The following ASXL3 variants were observed in gnomAD, a reference collection of about 807,000 sequenced individuals.
ASXL3 encodes the protein putative Polycomb group protein ASXL3.
Under a neutral mutation model 170.6 loss-of-function variants are expected in ASXL3, and 34 were observed. The ratio of observed to expected loss-of-function variants is 0.20; its 90% CI spans 0.15 to 0.27. The LOEUF is 0.27. Among genes scored for constraint, ASXL3 ranks in the 10% least tolerant of loss-of-function variants. The pLI is 1.00. For synonymous variants in ASXL3, 1,002 were observed against 989.1 expected (o/e 1.01, Z -0.24); for missense variants, 2,592 against 2,695.3 (o/e 0.96, Z 0.85).
chr18:33,591,526 A>G (rs1436692166), intron 1 of ASXL3, among the ~76,000 whole-genome samples: 1 of 152,318 alleles, frequency 6.6e-6, no homozygotes, highest in East Asian at 1.9e-4. Context: ...TGCTCTGTTT[A>G]CAAACCAAGT....
intron 8 of ASXL3, among the ~76,000 whole-genome samples, chr18:33,686,563 T>A (rs1048337995): frequency 1.5e-4 from 23 of 152,262 alleles, no homozygotes; most frequent in Non-Finnish European, 2.9e-4. Flanking sequence ...CAAAGAAAAG[T>A]GAATTTTACA....
At chr18:33,708,213 T>G (rs987875122) in intron 8 of ASXL3, among the ~76,000 whole-genome samples, 13 of 152,194 alleles carry the variant, frequency 8.5e-5, no homozygotes, top group Admixed American at 3.3e-4. Flanking sequence ...TTAGGAAAAC[T>G]ATACTCGTAA....
intron 8 of ASXL3, among the ~76,000 whole-genome samples, chr18:33,706,926 T>G (rs996257513): frequency 6.6e-6 from 1 of 151,878 alleles, no homozygotes; most frequent in Admixed American, 6.6e-5. Context: ...ACAAACCACC[T>G]GAGTATGACA....
At chr18:33,591,064 C>T (rs1195284213) in intron 1 of ASXL3, among the ~76,000 whole-genome samples, 1 of 152,176 alleles carries the variant, frequency 6.6e-6, no homozygotes, top group Non-Finnish European at 1.5e-5. Flanking sequence ...AATCTTCACT[C>T]ATTTTCTGAA....
chr18:33,588,120 T>C (rs1486643209), intron 1 of ASXL3, among the ~76,000 whole-genome samples: 1 of 152,156 alleles, frequency 6.6e-6, no homozygotes, highest in African/African-American at 2.4e-5. Context: ...GTTTATAACC[T>C]ATTGATTGCA....
In ASXL3 at chr18:33,750,812, C is replaced by T. The variant is rs2067873461; in HGVS notation, c.*4217C>T. 6.6e-6 allele frequency: 1 copy of T among 152,144 alleles called. No individual in the cohort carries two copies. The highest frequency in any genetic ancestry group is 1.5e-5 in the Non-Finnish European group (1 of 68,034). 9.4% of individuals were successfully genotyped at this position (152,144 alleles called of 1,614,324 possible). The stretch of plus-strand genomic sequence containing the variant: ...TCTACCAAAGAATATATTATTCCCA[C>T]AGGAAAAACTCAGAAAAGGTGTGTA... On this transcript the variant is annotated 3_prime_UTR_variant, in exon 12 of 12. Transcript: ENST00000269197.
chr18:33,708,787 C>T (rs2067006143), intron 8 of ASXL3, among the ~76,000 whole-genome samples: 1 of 152,172 alleles, frequency 6.6e-6, no homozygotes, highest in East Asian at 1.9e-4. Flanking sequence ...TCTCACACAT[C>T]TTTCGTTTGA....
intron 1 of ASXL3, among the ~76,000 whole-genome samples, chr18:33,595,321 A>G (rs1342578033): frequency 6.6e-6 from 1 of 152,190 alleles, no homozygotes; most frequent in African/African-American, 2.4e-5. Context: ...TTGTTTATTA[A>G]GAGTTTGCAT....
rs530833015 is a variant in ASXL3, at chr18:33,749,954, A to C, written c.*3359A>C. ...TGCTGTAGCCCCATTTCCTTTACAA[A>C]CCCCCGCACAATTTCAAAAGTGGAA... On this transcript the variant is annotated 3_prime_UTR_variant, in exon 12 of 12. Transcript: ENST00000269197. 3 of 152,120 alleles carry C rather than the reference A, an allele frequency of 2.0e-5. No individual in the cohort carries two copies. The East Asian group carries it at 5.8e-4, about 29-fold the overall frequency. 9.4% of individuals were successfully genotyped at this position (152,120 alleles called of 1,614,324 possible).
At chr18:33,582,706 CTGTGTGTG>C (rs34434614) in intron 1 of ASXL3, among the ~76,000 whole-genome samples, 19 of 135,954 alleles carry the variant, frequency 1.4e-4, no homozygotes, top group East Asian at 4.3e-4. Context: ...TGGTTTTTTT[CTGTGTGTG>C]TGTGTGTGTG....
chr18:33,603,211 G>A (rs2065203422), intron 1 of ASXL3, among the ~76,000 whole-genome samples: 1 of 152,056 alleles, frequency 6.6e-6, no homozygotes, highest in Non-Finnish European at 1.5e-5. Flanking sequence ...TGATCTTAGA[G>A]ATACTTAGAA....
intron 4 of ASXL3, among the ~76,000 whole-genome samples, chr18:33,658,186 T>G (rs2066112940): frequency 6.6e-6 from 1 of 152,180 alleles, no homozygotes; most frequent in Non-Finnish European, 1.5e-5. Context: ...GATCCTTTCT[T>G]TAACATTAAT....
chr18:33,686,610 A>T (rs908048454), intron 8 of ASXL3, among the ~76,000 whole-genome samples: 1 of 152,194 alleles, frequency 6.6e-6, no homozygotes, highest in Non-Finnish European at 1.5e-5. Context: ...CATATTGCTT[A>T]TATGTTCCAG....
In ASXL3 at chr18:33,671,733, A is replaced by G. The variant is rs1379291357; in HGVS notation, c.596-14A>G. 6 of 1,589,288 alleles carry G rather than the reference A, an allele frequency of 3.8e-6. No individual in the cohort carries two copies. The highest frequency in any genetic ancestry group is 1.4e-5 in the African/African-American group (1 of 74,062). On this transcript the variant is annotated splice_polypyrimidine_tract_variant and intron_variant, in intron 6 of 11. Transcript: ENST00000269197. ...TAGAGAAGATAATGACATAATAACT[A>G]TTTCCTTTTTTAGGATCTGAATCTA...
chr18:33,726,952 T>G (rs1189110391), intron 8 of ASXL3, among the ~76,000 whole-genome samples: 1 of 152,218 alleles, frequency 6.6e-6, no homozygotes, highest in Non-Finnish European at 1.5e-5. Context: ...ATTTATATTC[T>G]CTTCGCTTGG....
chr18:33,741,234 G>C (rs1419333863), intron 11 of ASXL3, among the ~76,000 whole-genome samples: 1 of 152,044 alleles, frequency 6.6e-6, no homozygotes, highest in African/African-American at 2.4e-5. Context: ...ATGCCAGTCT[G>C]TCAAAAGCTT....
At chr18:33,628,214 C>CT in intron 2 of ASXL3, among the ~76,000 whole-genome samples, 1 of 152,196 alleles carries the variant, frequency 6.6e-6, no homozygotes, top group South Asian at 2.1e-4. Context: ...TCTTGCCTAA[C>CT]TTCACACAAT....
chr18:33,580,966 T>C (rs1161818592), intron 1 of ASXL3, among the ~76,000 whole-genome samples: 1 of 152,184 alleles, frequency 6.6e-6, no homozygotes, highest in East Asian at 1.9e-4. Context: ...AAATTTATGA[T>C]TTGTATAAGT....
rs754052959 is a variant in ASXL3, at chr18:33,744,131, G to A, written c.4283G>A (p.Ser1428Asn). Reference sequence around the variant, plus strand: ...ATGCTGACAATAAACTCTTATGATAGTCCTCCCAAGTTAAGTGCTGAAAGC... The same window carrying A: ...ATGCTGACAATAAACTCTTATGATAATCCTCCCAAGTTAAGTGCTGAAAGC... The part of the protein sequence containing the change: ...GNMLTINSYD[S>N]PPKLSAESLD... Residue 1428 changes from serine (S) to asparagine (N), a missense_variant, in exon 12 of 12, where the codon AGT (serine) becomes AAT (asparagine). Ser to Asn is a conservative substitution (Grantham distance 46). Around this residue, in one of 4 missense-constraint regions of ASXL3, gnomAD observed 2,246 missense variants for 2,219.6 expected, o/e 1.01. Coordinates refer to ENST00000269197, the MANE Select transcript of ASXL3 (RefSeq NM_030632.3). 4.3e-6 allele frequency: 7 copies of A among 1,613,870 alleles called. No homozygotes were observed. The East Asian group carries it at 1.3e-4, about 31-fold the overall frequency.
Sources: gnomAD v4.1 joint callset for allele counts (sites outside exome capture counted in the v4.1 genomes callset) on GRCh38, gnomAD v4.1.1 for gene constraint, gnomAD v4.1.1 regional missense constraint, MANE v1.5 for transcripts, NCBI Gene and HGNC (gene_info 2026-07-23, HGNC 2026-07-21) for gene names.